GRHL1: variants seen among roughly 807,000 people sequenced by gnomAD.
The protein encoded by GRHL1 is grainyhead-like protein 1 homolog.
Under a neutral mutation model 75.7 loss-of-function variants are expected in GRHL1, and 38 were observed. That is an observed-to-expected ratio of 0.50 (90% CI 0.39 to 0.66). The LOEUF (loss-of-function observed/expected upper bound fraction) is 0.66. Among genes scored for constraint, GRHL1 ranks in the 30% least tolerant of loss-of-function variants. The pLI is 0.00. For synonymous variants in GRHL1, 266 were observed against 279.4 expected, an observed-to-expected ratio of 0.95 and a Z score of 0.48; for missense variants, 589 against 767.5, an observed-to-expected ratio of 0.77 and a Z score of 2.75.
intron 7 of GRHL1, 62 bp from the exon 8 acceptor site, chr2:9,965,225 G>T: frequency 2.4e-6 from 2 of 824,872 alleles, no homozygotes; most frequent in South Asian, 1.4e-5. Flanking sequence ...TTGAACTGCT[G>T]GGATCCCATG....
intron 10 of GRHL1, 33 bp from the exon 11 acceptor site, chr2:9,991,974 G>A: frequency 1.3e-6 from 2 of 1,528,256 alleles, no homozygotes; most frequent in South Asian, 1.2e-5. Flanking sequence ...CTTTGACCTT[G>A]GCTTCCTCTT....
At chr2:9,963,543 A>T (rs144201476) in intron 5 of GRHL1, among the ~76,000 whole-genome samples, 1 of 152,376 alleles carries the variant, frequency 6.6e-6, no homozygotes, top group East Asian at 1.9e-4. Context: ...ATTTAGTCAG[A>T]GGAACACCAG....
Position 9,987,799 on chromosome 2 carries a change from G to T in GRHL1, c.1269+1517G>T, listed in dbSNP as rs985521602. On this transcript the variant is annotated intron_variant, in intron 9 of 15. Transcript: ENST00000324907. The surrounding 1 kb of genome is among the most constrained non-coding windows in gnomAD (Gnocchi z 4.2). ...GCTGGCTCGAAACTGGGGAGCAACC[G>T]TGGATGAGTGGACATTCCATTGAAC... Among the ~76,000 whole-genome samples, 101 of 152,306 alleles carry T rather than the reference G, an allele frequency of 6.6e-4. 1 individual carries two copies. The highest frequency in any genetic ancestry group is 2.2e-3 in the African/African-American group (90 of 41,572).
At chr2:9,965,607 A>C (rs1572345766) in intron 8 of GRHL1, 1 of 505,142 alleles carries the variant, frequency 2.0e-6, no homozygotes, top group East Asian at 3.1e-5. Flanking sequence ...ATTAAGTTGC[A>C]CTCTGCCACT....
In GRHL1 at chr2:9,999,028, G is replaced by T; in HGVS notation, c.1741G>T (p.Gly581Trp). ...GAAAATATTCAAGAAGTGTAAAAAG[G>T]GGTAAGCAGCCACTGCGTCCTGTGT... ...IGKIFKKCKK[G>W]ILVNMDDNIV... The change falls in exon 15 of 16, where the codon GGG becomes TGG. Residue 581 changes from glycine to tryptophan, a missense_variant and splice_region_variant. By Grantham distance (184) the Gly-to-Trp change is radical. This residue lies in a region of GRHL1 where 192 missense variants were observed against 226.6 expected (regional missense o/e 0.85). Coordinates refer to ENST00000324907, the MANE Select transcript of GRHL1 (RefSeq NM_198182.3). 1 of 1,549,728 alleles carries T rather than the reference G, an allele frequency of 6.5e-7. No individual in the cohort carries two copies. The highest frequency in any genetic ancestry group is 1.2e-5 in the South Asian group (1 of 86,066).
chr2:9,962,336 A>G, intron 4 of GRHL1, 119 bp from the exon 5 acceptor site: 1 of 607,232 alleles, frequency 1.6e-6, no homozygotes, highest in Non-Finnish European at 3.0e-6. Context: ...CTCAAAAATA[A>G]ATATGGAAAG....
In GRHL1 at chr2:9,990,780, GCC is replaced by G; in HGVS notation, c.1321+34_1321+35del. ...TCCTGACCCCAGCTCCCAGGTGAAT[GCC>G]TGTAAGTAGAAATGTTCCCGGCAAG... On this transcript the variant is annotated intron_variant, in intron 10 of 15. Coordinates refer to ENST00000324907, the MANE Select transcript of GRHL1 (RefSeq NM_198182.3). The surrounding 1 kb of genome is among the most constrained non-coding windows in gnomAD (Gnocchi z 4.2). 3.8e-6 allele frequency: 6 copies of G among 1,569,450 alleles called. No homozygotes were observed. In the African/African-American group the frequency reaches 4.1e-5, roughly 11 times the overall value.
In GRHL1 at chr2:9,986,218, A is replaced by G. The variant is rs1206187354; in HGVS notation, c.1205A>G (p.Tyr402Cys). The part of the protein sequence containing the change: ...PLNIQVDTYS[Y>C]NNRSNKPVHR... Reference sequence around the variant, plus strand: ...AACATTCAAGTTGATACCTATAGTTACAACAACCGCAGCAACAAGCCTGTG... The same window carrying G: ...AACATTCAAGTTGATACCTATAGTTGCAACAACCGCAGCAACAAGCCTGTG... Residue 402 changes from tyrosine to cysteine, a missense_variant, in exon 9 of 16, where the codon TAC (tyrosine) becomes TGC (cysteine). Around this residue, in one of 5 missense-constraint regions of GRHL1, gnomAD observed 30 missense variants for 40.3 expected, o/e 0.74. Transcript: ENST00000324907. The G allele has an allele frequency of 6.2e-7, 1 of 1,613,760 alleles. No homozygotes were observed. The highest frequency in any genetic ancestry group is 1.1e-5 in the South Asian group (1 of 91,066).
Position 9,958,805 on chromosome 2 carries a change from C to A in GRHL1, c.227C>A (p.Ser76Ter). The change falls in exon 3 of 16, where the codon TCA becomes TAA. Residue 76 changes from serine (S) to a stop codon, truncating the protein, a stop_gained. Transcript: ENST00000324907. LOFTEE classifies it high-confidence loss of function. ...DYYKVPRERR[S>*]STAKPEVEHP... ...TATCAGGTTCCAAGAGAGAGAAGGTCATCAACAGCAAAGCCAGAGGTGGAG... is the reference window on the plus strand; with the variant it reads ...TATCAGGTTCCAAGAGAGAGAAGGTAATCAACAGCAAAGCCAGAGGTGGAG... 6.2e-7 allele frequency: 1 copy of A among 1,613,480 alleles called. No individual in the cohort carries two copies. Among genetic ancestry groups the A allele is most frequent in the South Asian group, 1.1e-5 (1 of 91,038 alleles).
chr2:9,979,663 G>A (rs13405346), intron 8 of GRHL1, among the ~76,000 whole-genome samples: 1 of 152,130 alleles, frequency 6.6e-6, no homozygotes, highest in Non-Finnish European at 1.5e-5. Context: ...AAAAAATTAA[G>A]ACTAATATTT....
At chr2:9,998,450 A>G (rs6146621) in intron 14 of GRHL1, among the ~76,000 whole-genome samples, 3,317 of 25,190 alleles carry the variant, frequency 0.13, 170 homozygotes, top group African/African-American at 0.29. Flanking sequence ...GTGTGTGTGT[A>G]TATATATACA....
intron 8 of GRHL1, among the ~76,000 whole-genome samples, chr2:9,972,164 A>C (rs930916434): frequency 6.7e-6 from 1 of 150,366 alleles, no homozygotes; most frequent in African/African-American, 2.4e-5. Context: ...TGTAGCCTGC[A>C]TCTGGGCTGT....
chr2:9,986,325 C>G (rs1228840688), intron 9 of GRHL1, 43 bp downstream of exon 9: 1 of 1,493,512 alleles, frequency 6.7e-7, no homozygotes, highest in Non-Finnish European at 9.1e-7. Flanking sequence ...TTGAGACACA[C>G]TCATGGAAAA....
rs1028050927 is a variant in GRHL1 at position 9,968,552 on chromosome 2, T to A, written c.1110+3171T>A. Among the ~76,000 whole-genome samples, 1 of 152,192 alleles carries A rather than the reference T, an allele frequency of 6.6e-6. No homozygotes were observed. Among genetic ancestry groups the A allele is most frequent in the African/African-American group, 2.4e-5 (1 of 41,450 alleles). ...TATTCTTCCTGATGCACAGCTGAGA[T>A]TAGCTGCTTGAGGTAATTTTTGCAG... On this transcript the variant is annotated intron_variant, in intron 8 of 15. Transcript: ENST00000324907. This position sits in a 1 kb window ranked among gnomAD's most constrained non-coding sequence, Gnocchi z 4.7.
At chr2:9,974,244 C>A (rs1242169066) in intron 8 of GRHL1, among the ~76,000 whole-genome samples, 1 of 152,190 alleles carries the variant, frequency 6.6e-6, no homozygotes. Context: ...TTGACACTGT[C>A]TCTTGAGTTC....
At chr2:9,964,534 A>C in intron 7 of GRHL1, 188 bp downstream of exon 7, 1 of 531,178 alleles carries the variant, frequency 1.9e-6, no homozygotes, top group Non-Finnish European at 3.3e-6. Flanking sequence ...CCCATGCAGT[A>C]ATGGGACATG....
intron 9 of GRHL1, among the ~76,000 whole-genome samples, chr2:9,989,447 C>A (rs1668551974): frequency 6.6e-6 from 1 of 152,108 alleles, no homozygotes; most frequent in Non-Finnish European, 1.5e-5. Context: ...TAATATGGTT[C>A]TTTTGAACTT....
At position 10,000,796 on chromosome 2, in the gene GRHL1, T is replaced by C. The variant is rs918283098; in HGVS notation, c.*89T>C. ...AACTGCAGGTAACCCCAGTCAGCCA[T>C]GTCGCCAGCACAGGTCTATGTCGAG... On this transcript the variant is annotated 3_prime_UTR_variant, in exon 16 of 16. Transcript: ENST00000324907. 1 of 731,752 alleles carries C rather than the reference T, an allele frequency of 1.4e-6. No homozygotes were observed. The allele number at this position is 731,752 out of a possible 1,614,324, so 45.3% of individuals were successfully genotyped here.
intron 2 of GRHL1, among the ~76,000 whole-genome samples, chr2:9,955,851 C>T (rs1455323678): frequency 6.6e-6 from 1 of 152,226 alleles, no homozygotes; most frequent in African/African-American, 2.4e-5. Context: ...CTGGATTCAC[C>T]TCTCCATTCT....
Sources: allele counts gnomAD v4.1 joint callset (sites outside exome capture counted in the v4.1 genomes callset), GRCh38; gene constraint gnomAD v4.1.1; regional missense constraint gnomAD v4.1.1; non-coding constraint Gnocchi (gnomAD v3.1); transcripts MANE v1.5; gene names NCBI Gene and HGNC (gene_info 2026-07-23, HGNC 2026-07-21).